Variants in GPC6 observed in about 807,000 individuals in gnomAD.
GPC6 encodes glypican 6.
In GPC6, 14 loss-of-function variants were observed where a neutral mutation model predicts 55.2. The ratio of observed to expected loss-of-function variants is 0.25; its 90% confidence interval spans 0.17 to 0.40. GPC6 has a LOEUF of 0.40. Among genes scored for constraint, GPC6 ranks in the 10% least tolerant of loss-of-function variants. The probability of loss-of-function intolerance (pLI) is 1.00; values close to 1 mark genes in which losing one functional copy is unlikely to be tolerated. For synonymous variants in GPC6, 278 were observed against 259.6 expected, an observed-to-expected ratio of 1.07 and a Z score of -0.68; for missense variants, 641 against 708.5, an observed-to-expected ratio of 0.90 and a Z score of 1.08.
intron 2 of GPC6, among the ~76,000 whole-genome samples, chr13:93,741,832 C>T (rs1884213117): frequency 6.6e-6 from 1 of 152,166 alleles, no homozygotes; most frequent in Non-Finnish European, 1.5e-5. Context: ...CCCTAATTCT[C>T]CAAATCTCTG....
intron 4 of GPC6, among the ~76,000 whole-genome samples, chr13:94,055,328 T>A (rs940120310): frequency 6.6e-6 from 1 of 152,104 alleles, no homozygotes; most frequent in African/African-American, 2.4e-5. Context: ...CTGTGGTCAC[T>A]AGCAAAGAAA....
intron 2 of GPC6, among the ~76,000 whole-genome samples, chr13:93,699,666 A>G (rs1483551009): frequency 6.6e-6 from 1 of 152,128 alleles, no homozygotes; most frequent in East Asian, 1.9e-4. Flanking sequence ...TATAATTTAC[A>G]TAGATCATAT....
At chr13:94,100,027 A>C (rs557028280) in intron 4 of GPC6, among the ~76,000 whole-genome samples, 2 of 152,274 alleles carry the variant, frequency 1.3e-5, no homozygotes, top group South Asian at 4.1e-4. Flanking sequence ...CTTAATACCT[A>C]GGTGATGAAA....
intron 1 of GPC6, among the ~76,000 whole-genome samples, chr13:93,459,616 C>T (rs527660225): frequency 4.6e-5 from 7 of 152,072 alleles, no homozygotes; most frequent in East Asian, 3.9e-4. Flanking sequence ...TATGGGTCCC[C>T]GGGTATTCTA....
At chr13:93,662,117 T>C (rs1880949490) in intron 2 of GPC6, among the ~76,000 whole-genome samples, 1 of 152,162 alleles carries the variant, frequency 6.6e-6, no homozygotes, top group African/African-American at 2.4e-5. Context: ...CTGTTTCTGC[T>C]TTTTGGCCCC....
intron 1 of GPC6, among the ~76,000 whole-genome samples, chr13:93,492,845 A>T (rs1306688633): frequency 6.7e-6 from 1 of 149,596 alleles, no homozygotes; most frequent in Non-Finnish European, 1.5e-5. Flanking sequence ...CATATATTGA[A>T]CCAGCCTTGC....
intron 2 of GPC6, 73 bp downstream of exon 2, chr13:93,545,494 A>C (rs1874739778): frequency 2.3e-6 from 3 of 1,289,484 alleles, no homozygotes; most frequent in Middle Eastern, 1.8e-4. Context: ...TCATATGAAA[A>C]ATATTTTTTT....
At chr13:93,577,577 T>G (rs1225903559) in intron 2 of GPC6, among the ~76,000 whole-genome samples, 1 of 152,156 alleles carries the variant, frequency 6.6e-6, no homozygotes, top group African/African-American at 2.4e-5. Context: ...CTTTACTGAA[T>G]TTATCAATTC....
intron 4 of GPC6, among the ~76,000 whole-genome samples, chr13:94,030,095 C>G (rs570727241): frequency 6.6e-6 from 1 of 151,778 alleles, no homozygotes; most frequent in African/African-American, 2.4e-5. Flanking sequence ...CTCCGCCTCC[C>G]GGGTTCATGC....
intron 2 of GPC6, among the ~76,000 whole-genome samples, chr13:93,785,451 G>A (rs1330503891): frequency 6.6e-6 from 1 of 152,034 alleles, no homozygotes; most frequent in Non-Finnish European, 1.5e-5. Flanking sequence ...CCTAGGGTGG[G>A]GCTTATGGTT....
chr13:93,292,816 G>A (rs796391053), intron 1 of GPC6, among the ~76,000 whole-genome samples: 1 of 151,944 alleles, frequency 6.6e-6, no homozygotes, highest in African/African-American at 2.4e-5. Flanking sequence ...TCTTTAGTAG[G>A]TGTCAATTTC....
At chr13:94,345,712 G>A (rs1387372038) in intron 6 of GPC6, among the ~76,000 whole-genome samples, 1 of 152,132 alleles carries the variant, frequency 6.6e-6, no homozygotes, top group African/African-American at 2.4e-5. Flanking sequence ...GTCAGGGCTG[G>A]CTCCTGGACA....
chr13:93,514,711 T>C (rs2139390200), intron 1 of GPC6, among the ~76,000 whole-genome samples: 1 of 152,310 alleles, frequency 6.6e-6, no homozygotes, highest in Non-Finnish European at 1.5e-5. Context: ...ATGAACTGTC[T>C]CGTTTCCAGA....
chr13:94,191,223 G>T (rs535047151), intron 4 of GPC6, among the ~76,000 whole-genome samples: 2 of 152,226 alleles, frequency 1.3e-5, no homozygotes, highest in South Asian at 4.1e-4. Flanking sequence ...TGACAGACTT[G>T]AACATTTCAT....
chr13:94,279,701 C>T (rs1451994248), intron 4 of GPC6, among the ~76,000 whole-genome samples: 1 of 151,898 alleles, frequency 6.6e-6, no homozygotes, highest in Non-Finnish European at 1.5e-5. Flanking sequence ...CATTATTTAC[C>T]CAGGAGTCAC....
intron 2 of GPC6, among the ~76,000 whole-genome samples, chr13:93,559,946 A>C (rs181339252): frequency 6.6e-6 from 1 of 152,270 alleles, no homozygotes; most frequent in Admixed American, 6.5e-5. Flanking sequence ...CAAGACATTA[A>C]GATTCCTTAG....
At chr13:94,261,604 A>G (rs527796693) in intron 4 of GPC6, among the ~76,000 whole-genome samples, 1 of 152,368 alleles carries the variant, frequency 6.6e-6, no homozygotes, top group South Asian at 2.1e-4. Context: ...TCAGGCCTAT[A>G]CCCTGGAGGA....
intron 3 of GPC6, among the ~76,000 whole-genome samples, chr13:93,861,161 T>TA (rs1888798541): frequency 1.3e-5 from 2 of 151,526 alleles, no homozygotes; most frequent in Admixed American, 1.3e-4. Context: ...CTGTTATTCA[T>TA]AATAATATTA....
At chr13:93,525,616 T>C (rs1881615449) in intron 1 of GPC6, among the ~76,000 whole-genome samples, 1 of 152,058 alleles carries the variant, frequency 6.6e-6, no homozygotes, top group Admixed American at 6.6e-5. Flanking sequence ...AACTAATTTT[T>C]GATTTGTTCA....
Sources: allele counts gnomAD v4.1 joint callset (sites outside exome capture counted in the v4.1 genomes callset), GRCh38; gene constraint gnomAD v4.1.1; transcripts MANE v1.5; gene names NCBI Gene and HGNC (gene_info 2026-07-23, HGNC 2026-07-21).